EHHADH: variants seen among roughly 807,000 people sequenced by gnomAD.
The protein encoded by EHHADH is peroxisomal bifunctional enzyme.
Under a neutral mutation model 64.4 loss-of-function variants are expected in EHHADH, and 48 were observed. The ratio of observed to expected loss-of-function variants is 0.75; its 90% CI spans 0.59 to 0.95. The LOEUF is 0.95. Among genes scored for constraint, EHHADH ranks in the 40% least tolerant of loss-of-function variants. EHHADH has a pLI of 0.00. For synonymous variants in EHHADH, 308 were observed against 326.7 expected (o/e 0.94, Z 0.62); for missense variants, 854 against 876.6 (o/e 0.97, Z 0.33).
chr3:185,245,401 T>G, intron 2 of EHHADH: 1 of 571,706 alleles, frequency 1.7e-6, no homozygotes, highest in East Asian at 3.3e-5. Flanking sequence ...TCCACTCTGA[T>G]GGCAAACTGG....
At chr3:185,245,182 T>C (rs1719562625) in intron 2 of EHHADH, among the ~76,000 whole-genome samples, 1 of 152,196 alleles carries the variant, frequency 6.6e-6, no homozygotes, top group Non-Finnish European at 1.5e-5. Context: ...TTACAATAAC[T>C]TTAATTTATC....
intron 4 of EHHADH, among the ~76,000 whole-genome samples, chr3:185,221,841 T>C (rs1432527961): frequency 1.3e-5 from 2 of 152,148 alleles, no homozygotes; most frequent in East Asian, 1.9e-4. Context: ...CTGAAAGTGC[T>C]GGGATTACAG....
intron 3 of EHHADH, among the ~76,000 whole-genome samples, chr3:185,232,863 A>G (rs1719173147): frequency 6.6e-6 from 1 of 152,248 alleles, no homozygotes; most frequent in Non-Finnish European, 1.5e-5. Flanking sequence ...ACAACTGTCA[A>G]TCAAGAATTC....
intron 2 of EHHADH, among the ~76,000 whole-genome samples, chr3:185,244,419 C>T (rs867045795): frequency 2.8e-4 from 43 of 152,224 alleles, no homozygotes; most frequent in African/African-American, 8.4e-4. Flanking sequence ...ATTTACACTA[C>T]GATTTTTATA....
intron 2 of EHHADH, among the ~76,000 whole-genome samples, chr3:185,242,275 T>C (rs1270788732): frequency 2.6e-5 from 4 of 151,878 alleles, no homozygotes. Context: ...GCAACCCCCA[T>C]CAAAATACCA....
At chr3:185,228,257 A>AAAAAAAAAAAAAAAAAAACTAT (rs1367786172) in intron 4 of EHHADH, among the ~76,000 whole-genome samples, 1 of 21,994 alleles carries the variant, frequency 4.5e-5, no homozygotes, top group Non-Finnish European at 1.1e-4. Flanking sequence ...AAAAAAAAAA[A>AAAAAAAAAAAAAAAAAAACTAT]ATATATATAT....
At chr3:185,208,082 ACT>A (rs1718443930) in intron 5 of EHHADH, among the ~76,000 whole-genome samples, 2 of 152,144 alleles carry the variant, frequency 1.3e-5, no homozygotes, top group Admixed American at 1.3e-4. Context: ...TTACAAAAAG[ACT>A]CTGGCTTCAG....
At chr3:185,246,641 T>C (rs1719604255) in intron 2 of EHHADH, among the ~76,000 whole-genome samples, 1 of 152,210 alleles carries the variant, frequency 6.6e-6, no homozygotes, top group Non-Finnish European at 1.5e-5. Context: ...CATTGCTTGG[T>C]GCCTTCTCTT....
chr3:185,224,535 A>C (rs1718922858), intron 4 of EHHADH, among the ~76,000 whole-genome samples: 1 of 151,932 alleles, frequency 6.6e-6, no homozygotes, highest in Admixed American at 6.6e-5. Context: ...GAAAGAAAAA[A>C]ATATTTTCCA....
Position 185,229,521 on chromosome 3 carries a change from A to G in EHHADH, c.374T>C (p.Val125Ala). The change falls in exon 4 of 7, where the codon GTT (valine) becomes GCT (alanine). Residue 125 changes from valine (V) to alanine (A), a missense_variant. By Grantham distance (64) the Val-to-Ala change is moderately conservative (BLOSUM62 0). Coordinates refer to ENST00000231887, the MANE Select transcript of EHHADH (RefSeq NM_001966.4). ...HAEAQVGLPE[V>A]TLGLLPGARG... ...TGCACCAGGGAGAAGTCCCAGTGTA[A>G]CTTCTGGTAAGCCAACTTGAGCCTA... The G allele has an allele frequency of 6.4e-7, 1 of 1,570,084 alleles. No homozygotes were observed. The highest frequency in any genetic ancestry group is 8.7e-7 in the Non-Finnish European group (1 of 1,154,870).
chr3:185,235,489 C>G (rs763549557), intron 2 of EHHADH, 27 bp from the exon 3 acceptor site: 19 of 1,578,108 alleles, frequency 1.2e-5, no homozygotes, highest in Non-Finnish European at 1.5e-5. Flanking sequence ...AAGGAGAAAA[C>G]AGAGTTGAGA....
rs1288426371 is a variant in EHHADH, at chr3:185,204,591, A to G, written c.735T>C (p.Tyr245=). The G allele has an allele frequency of 4.3e-6, 7 of 1,614,110 alleles. No homozygotes were observed. The highest frequency in any genetic ancestry group is 2.7e-5 in the African/African-American group (2 of 74,936). ...CCTCCTCCTTCTTGATGCCCACTTC[A>G]TAGGGATACTGCACAGCAGCCTGGA... ...RAVQAAVQYP[Y]EVGIKKEEEL... is the part of the protein sequence containing the mutation. Residue 245 remains tyrosine (Y), a synonymous_variant, in exon 6 of 7, where the codon TAT becomes TAC. Transcript: ENST00000231887.
Position 185,192,593 on chromosome 3 carries a change from C to T in EHHADH, c.1805G>A (p.Arg602Gln), listed in dbSNP as rs35200935. Residue 602 changes from arginine to glutamine, a missense_variant, in exon 7 of 7, where the codon CGG (arginine) becomes CAG (glutamine). By Grantham distance (43) the Arg-to-Gln change is conservative. Coordinates refer to ENST00000231887, the MANE Select transcript of EHHADH (RefSeq NM_001966.4). ...PDPWLSKFLS[R>Q]YRKTHHIEPR... Reference sequence around the variant, plus strand: ...TTCAATGTGATGGGTTTTTCTATACCGTGATAGGAATTTGGAAAGCCAGGG... The same window carrying T: ...TTCAATGTGATGGGTTTTTCTATACTGTGATAGGAATTTGGAAAGCCAGGG... 988 of 1,614,144 alleles carry T rather than the reference C, an allele frequency of 6.1e-4. 5 individuals are homozygous for T. The African/African-American group carries it at 0.01, about 17-fold the overall frequency.
chr3:185,248,899 C>T (rs1450442528), intron 1 of EHHADH, among the ~76,000 whole-genome samples: 2 of 152,112 alleles, frequency 1.3e-5, no homozygotes, highest in Admixed American at 6.5e-5. Context: ...ATGTAAGGCA[C>T]ACTAAGATAT....
At chr3:185,207,498 C>T (rs1176239876) in intron 5 of EHHADH, among the ~76,000 whole-genome samples, 1 of 152,100 alleles carries the variant, frequency 6.6e-6, no homozygotes, top group Admixed American at 6.6e-5. Context: ...GAAAGGAGAC[C>T]AAGAACTAAA....
At chr3:185,232,485 G>T (rs1451627964) in intron 3 of EHHADH, among the ~76,000 whole-genome samples, 1 of 152,112 alleles carries the variant, frequency 6.6e-6, no homozygotes, top group Non-Finnish European at 1.5e-5. Context: ...TTTAGCTCTT[G>T]TTGCCCAGGC....
At chr3:185,212,006 A>C (rs1390380765) in intron 5 of EHHADH, among the ~76,000 whole-genome samples, 1 of 152,164 alleles carries the variant, frequency 6.6e-6, no homozygotes, top group East Asian at 1.9e-4. Flanking sequence ...CAGAGTTGAC[A>C]CTCCCAGCTG....
Position 185,193,416 on chromosome 3 carries a change from A to G in EHHADH, c.982T>C (p.Ser328Pro). 1 of 1,614,202 alleles carries G rather than the reference A, an allele frequency of 6.2e-7. No individual in the cohort carries two copies. Among genetic ancestry groups the G allele is most frequent in the African/African-American group, 1.3e-5 (1 of 75,042 alleles). Reference protein sequence around the residue: ...RARIPVIAVDSDKNQLATANK... With the variant: ...RARIPVIAVDPDKNQLATANK... ...GCAGTTGCTAGCTGGTTTTTGTCCGAGTCTACAGCAATCACAGGAATCCTG... is the reference window on the plus strand; with the variant it reads ...GCAGTTGCTAGCTGGTTTTTGTCCGGGTCTACAGCAATCACAGGAATCCTG... Residue 328 changes from serine (S) to proline (P), a missense_variant, in exon 7 of 7, where the codon TCG (serine) becomes CCG (proline). Transcript: ENST00000231887.
chr3:185,203,931 G>A (rs1250697587), intron 6 of EHHADH, among the ~76,000 whole-genome samples: 5 of 152,054 alleles, frequency 3.3e-5, no homozygotes, highest in African/African-American at 1.2e-4. Context: ...CTTGAGGCCA[G>A]GAGTTCGAGA....
Sources: gnomAD v4.1 joint callset for allele counts (sites outside exome capture counted in the v4.1 genomes callset) on GRCh38, gnomAD v4.1.1 for gene constraint, MANE v1.5 for transcripts, NCBI Gene and HGNC (gene_info 2026-07-23, HGNC 2026-07-21) for gene names.